DYNC2H1: variants seen among roughly 807,000 people sequenced by gnomAD.
DYNC2H1 encodes cytoplasmic dynein 2 heavy chain 1.
In DYNC2H1, 410 loss-of-function variants were observed where a neutral mutation model predicts 570.0. The observed-to-expected ratio is 0.72, with a 90% CI of 0.66 to 0.78. The LOEUF (loss-of-function observed/expected upper bound fraction) is 0.78. DYNC2H1 is among the 30% of genes least tolerant of loss of function. DYNC2H1 has a pLI of 0.00. For missense variants in DYNC2H1, 4,865 were observed against 5,046.4 expected, an observed-to-expected ratio of 0.96 and a Z score of 1.09; for synonymous variants, 1,688 against 1,677.6, an observed-to-expected ratio of 1.01 and a Z score of -0.15.
chr11:103,143,240 A>G (rs373169274), intron 17 of DYNC2H1, 28 bp from the exon 18 acceptor site: 2 of 1,606,438 alleles, frequency 1.2e-6, no homozygotes, highest in Non-Finnish European at 1.7e-6. Flanking sequence ...TGTGTCTTTA[A>G]TAATACATTT....
At chr11:103,142,475 G>A (rs144547839) in intron 17 of DYNC2H1, among the ~76,000 whole-genome samples, 4 of 152,276 alleles carry the variant, frequency 2.6e-5, no homozygotes, top group African/African-American at 9.6e-5. Flanking sequence ...TTTGAGACCA[G>A]CCTCGTCAAC....
chr11:103,352,945 C>T (rs1423706037), intron 82 of DYNC2H1, among the ~76,000 whole-genome samples: 1 of 152,176 alleles, frequency 6.6e-6, no homozygotes. Context: ...TGTACATGTA[C>T]ACCATGGAAT....
chr11:103,195,723 T>C (rs1290557571), intron 47 of DYNC2H1, among the ~76,000 whole-genome samples: 1 of 152,240 alleles, frequency 6.6e-6, no homozygotes, highest in Non-Finnish European at 1.5e-5. Context: ...GTATATTGAT[T>C]TGGGGAGAAT....
intron 73 of DYNC2H1, among the ~76,000 whole-genome samples, chr11:103,283,897 T>A (rs2135346413): frequency 6.6e-6 from 1 of 152,192 alleles, no homozygotes; most frequent in South Asian, 2.1e-4. Flanking sequence ...CATTAATCAT[T>A]TATTTGGTGC....
intron 49 of DYNC2H1, 31 bp from the exon 50 acceptor site, chr11:103,200,015 G>T (rs1187501397): frequency 4.2e-6 from 6 of 1,428,016 alleles, no homozygotes; most frequent in South Asian, 1.2e-5. Flanking sequence ...AATACTTAAA[G>T]GGCACTAAAA....
At chr11:103,442,948 G>A (rs1944314719) in intron 85 of DYNC2H1, among the ~76,000 whole-genome samples, 1 of 146,458 alleles carries the variant, frequency 6.8e-6, no homozygotes, top group Non-Finnish European at 1.5e-5. Context: ...TCATTTCAAT[G>A]CTTCCCTTGA....
At chr11:103,463,791 CTGAT>C (rs1374149384) in intron 87 of DYNC2H1, among the ~76,000 whole-genome samples, 4 of 152,148 alleles carry the variant, frequency 2.6e-5, no homozygotes, top group Non-Finnish European at 5.9e-5. Context: ...TGCAGAATCA[CTGAT>C]TGAGTTTATG....
chr11:103,325,903 G>T lies in DYNC2H1; in HGVS notation c.12039+1913G>T, dbSNP rs1455276435. On this transcript the variant is annotated intron_variant, in intron 82 of 88. Transcript: ENST00000375735. This position sits in a 1 kb window ranked among gnomAD's most constrained non-coding sequence, Gnocchi z 4.8. ...ATAGTGGGCTCCTTTGAAGGTAAGGGGACACTGGCTTTTTGAATTGCCAGA... is the reference window on the plus strand; with the variant it reads ...ATAGTGGGCTCCTTTGAAGGTAAGGTGACACTGGCTTTTTGAATTGCCAGA... Among the ~76,000 whole-genome samples, 2 of 152,084 alleles carry T rather than the reference G, an allele frequency of 1.3e-5. No homozygotes were observed. The highest frequency in any genetic ancestry group is 2.9e-5 in the Non-Finnish European group (2 of 68,018).
At chr11:103,460,066 G>T (rs947464609) in intron 87 of DYNC2H1, among the ~76,000 whole-genome samples, 2 of 152,002 alleles carry the variant, frequency 1.3e-5, no homozygotes, top group Non-Finnish European at 2.9e-5. Context: ...GTGGCCCAGG[G>T]TGAATTTGAA....
At position 103,355,675 on chromosome 11, in the gene DYNC2H1, T is replaced by C. The variant is rs1244823132; in HGVS notation, c.12040-2568T>C. On this transcript the variant is annotated intron_variant, in intron 82 of 88. Transcript: ENST00000375735. Reference sequence around the variant, plus strand: ...AGAACAGGTGAAGTAGGAGTGGGTTTCCTACAATTTCTTCATTTTAAAAGT... The same window carrying C: ...AGAACAGGTGAAGTAGGAGTGGGTTCCCTACAATTTCTTCATTTTAAAAGT... Among the ~76,000 whole-genome samples the C allele has an allele frequency of 3.3e-5, 5 of 152,200 alleles. No individual in the cohort carries two copies. In the East Asian group the frequency reaches 9.6e-4, roughly 29 times the overall value.
At chr11:103,346,339 A>T (rs1286069210) in intron 82 of DYNC2H1, among the ~76,000 whole-genome samples, 1 of 152,154 alleles carries the variant, frequency 6.6e-6, no homozygotes, top group Non-Finnish European at 1.5e-5. Context: ...ACTCTATTTG[A>T]ATATATTATC....
intron 82 of DYNC2H1, among the ~76,000 whole-genome samples, chr11:103,336,820 T>C (rs1014522807): frequency 1.3e-5 from 2 of 152,206 alleles, no homozygotes; most frequent in Admixed American, 1.3e-4. Flanking sequence ...TTTGGGTATA[T>C]ACCCAGCAGT....
At chr11:103,120,612 G>A (rs1858655308) in intron 7 of DYNC2H1, 31 bp downstream of exon 7, 2 of 1,597,042 alleles carry the variant, frequency 1.3e-6, no homozygotes, top group African/African-American at 1.3e-5. Flanking sequence ...TGTCTGTACA[G>A]TTTCCTGTTT....
rs573737570 is a variant in DYNC2H1, at chr11:103,139,787, G to A, written c.2575-3481G>A. Among the ~76,000 whole-genome samples the A allele has an allele frequency of 1.2e-4, 19 of 152,068 alleles. No homozygotes were observed. The East Asian group carries it at 3.7e-3, about 29-fold the overall frequency. ...GGTATCCTTGTTAACTTTCTGTCTCGTTGATCTGTCTAATGTTGACAGTGG... is the reference window on the plus strand; with the variant it reads ...GGTATCCTTGTTAACTTTCTGTCTCATTGATCTGTCTAATGTTGACAGTGG... On this transcript the variant is annotated intron_variant, in intron 17 of 88. Coordinates refer to ENST00000375735, the MANE Select transcript of DYNC2H1 (RefSeq NM_001377.3).
At position 103,283,568 on chromosome 11, in the gene DYNC2H1, T is replaced by TA. The variant is rs561680524; in HGVS notation, c.10890+483_10890+484insA. On this transcript the variant is annotated intron_variant, in intron 73 of 88. Coordinates refer to ENST00000375735, the MANE Select transcript of DYNC2H1 (RefSeq NM_001377.3). ...TAAAAACAGTAAGAATAGCTAGCATTTACTGATGGCTTACTATGTTCAAGG... is the reference window on the plus strand; with the variant it reads ...TAAAAACAGTAAGAATAGCTAGCATTATACTGATGGCTTACTATGTTCAAGG... Among the ~76,000 whole-genome samples the TA allele has an allele frequency of 6.6e-5, 10 of 152,274 alleles. No individual in the cohort carries two copies. In the East Asian group the frequency reaches 1.9e-3, roughly 29 times the overall value.
intron 82 of DYNC2H1, among the ~76,000 whole-genome samples, chr11:103,345,475 TA>T (rs528439105): frequency 2.6e-5 from 4 of 152,368 alleles, no homozygotes; most frequent in African/African-American, 9.6e-5. Flanking sequence ...ATCCTACTAG[TA>T]CTTGGTATTT....
At chr11:103,468,834 T>G (rs1289863361) in intron 88 of DYNC2H1, 129 bp downstream of exon 88, 1 of 655,722 alleles carries the variant, frequency 1.5e-6, no homozygotes, top group African/African-American at 1.8e-5. Flanking sequence ...TTGAACAAAT[T>G]TGCAGTCAAA....
Position 103,192,328 on chromosome 11 carries a change from C to T in DYNC2H1, c.7708+64C>T. ...AAGGATTTCAGAAATTTTTTCTTAC[C>T]CAGAGCATGATTTTATAGGTCTAAA... On this transcript the variant is annotated intron_variant, in intron 47 of 88. Transcript: ENST00000375735. 3 of 1,255,292 alleles carry T rather than the reference C, an allele frequency of 2.4e-6. No homozygotes were observed. In the Admixed American group the frequency reaches 8.7e-5, roughly 36 times the overall value. 77.8% of individuals were successfully genotyped at this position (1,255,292 alleles called of 1,614,324 possible). A position where few individuals can be genotyped will look rare whatever the true frequency, so the allele number is the denominator to read the frequency against.
chr11:103,417,502 A>T (rs1391243873), intron 84 of DYNC2H1, among the ~76,000 whole-genome samples: 1 of 152,212 alleles, frequency 6.6e-6, no homozygotes, highest in Non-Finnish European at 1.5e-5. Context: ...TTCTTACAAG[A>T]TATTAGTAAA....
Sources: gnomAD v4.1 joint callset for allele counts (sites outside exome capture counted in the v4.1 genomes callset) on GRCh38, gnomAD v4.1.1 for gene constraint, Gnocchi (gnomAD v3.1) non-coding constraint, MANE v1.5 for transcripts, NCBI Gene and HGNC (gene_info 2026-07-23, HGNC 2026-07-21) for gene names.